KCNN2: variants seen among roughly 807,000 people sequenced by gnomAD.
The protein encoded by KCNN2 is small conductance calcium-activated potassium channel protein 2.
A neutral mutation model predicts 55.5 loss-of-function variants in KCNN2; 24 were observed. The ratio of observed to expected loss-of-function variants is 0.43; its 90% confidence interval spans 0.31 to 0.61. The LOEUF (loss-of-function observed/expected upper bound fraction) is 0.61. Among genes scored for constraint, KCNN2 ranks in the 20% least tolerant of loss-of-function variants. The pLI, the probability that KCNN2 is intolerant of heterozygous loss-of-function variation, is 0.08. For synonymous variants in KCNN2, 431 were observed against 336.1 expected (o/e 1.28, Z -3.09); for missense variants, 754 against 853.6 (o/e 0.88, Z 1.45).
chr5:114,091,330 G>A lies in KCNN2; in HGVS notation c.-271+34830G>A, dbSNP rs142940270. Among the ~76,000 whole-genome samples the A allele has an allele frequency of 5.4e-4, 82 of 152,226 alleles. 1 individual carries two copies. The East Asian group carries it at 9.9e-3, about 18-fold the overall frequency. ...ACTTTCCTACTGAAATCAATATGGG[G>A]AACATGTCCTCTTGCCTTAGGGGTT... On this transcript the variant is annotated intron_variant, in intron 1 of 10. Coordinates refer to the KCNN2 transcript ENST00000512097.
At chr5:114,224,928 T>C (rs1167560649) in intron 2 of KCNN2, among the ~76,000 whole-genome samples, 2 of 152,152 alleles carry the variant, frequency 1.3e-5, no homozygotes, top group African/African-American at 4.8e-5. Context: ...TTCTTATAGA[T>C]TCTAGATAGT....
At chr5:114,434,935 A>G (rs1031018581) in intron 3 of KCNN2, among the ~76,000 whole-genome samples, 1 of 152,168 alleles carries the variant, frequency 6.6e-6, no homozygotes, top group Non-Finnish European at 1.5e-5. Flanking sequence ...ATAATTTCCT[A>G]TGAGGGCAAG....
chr5:114,364,716 G>T (rs1757551267), intron 2 of KCNN2, among the ~76,000 whole-genome samples: 1 of 151,566 alleles, frequency 6.6e-6, no homozygotes, highest in Non-Finnish European at 1.5e-5. Context: ...AAAACTTACG[G>T]GTCATCTTGT....
chr5:114,373,043 G>A (rs1757808911), intron 2 of KCNN2, among the ~76,000 whole-genome samples: 1 of 152,158 alleles, frequency 6.6e-6, no homozygotes, highest in South Asian at 2.1e-4. Flanking sequence ...TAAGACAACT[G>A]ATAGCTTGTA....
chr5:114,165,026 G>T (rs370203911), intron 1 of KCNN2, among the ~76,000 whole-genome samples: 1 of 152,136 alleles, frequency 6.6e-6, no homozygotes, highest in African/African-American at 2.4e-5. Context: ...ACAGTAACTT[G>T]CCTAAAGCCA....
chr5:114,202,732 G>A (rs997554753), intron 1 of KCNN2, among the ~76,000 whole-genome samples: 6 of 151,264 alleles, frequency 4.0e-5, no homozygotes, highest in Non-Finnish European at 8.9e-5. Flanking sequence ...GACTACAGGC[G>A]CCTGCCACCA....
upstream of KCNN2, chr5:114,361,216 C>G (rs1046691308): frequency 6.6e-6 from 1 of 152,316 alleles, no homozygotes. Context: ...GCCCGGCCGG[C>G]TCTGTCGGCA....
At chr5:114,341,199 A>C (rs1757009474) in intron 2 of KCNN2, among the ~76,000 whole-genome samples, 1 of 152,218 alleles carries the variant, frequency 6.6e-6, no homozygotes, top group African/African-American at 2.4e-5. Flanking sequence ...TAGTTTAATC[A>C]AAGATAGCTA....
intron 2 of KCNN2, among the ~76,000 whole-genome samples, chr5:114,349,115 C>T (rs1218775191): frequency 7.2e-5 from 11 of 152,096 alleles, no homozygotes; most frequent in Admixed American, 7.2e-4. Flanking sequence ...AACATTTTAT[C>T]TTTAGCTTTG....
chr5:114,311,014 G>T (rs1337143369), intron 2 of KCNN2, among the ~76,000 whole-genome samples: 4 of 152,046 alleles, frequency 2.6e-5, no homozygotes, highest in African/African-American at 9.7e-5. Context: ...TACAAGCCTA[G>T]AAATGGACAA....
At chr5:114,154,207 A>C (rs1752582668) in intron 1 of KCNN2, among the ~76,000 whole-genome samples, 1 of 152,186 alleles carries the variant, frequency 6.6e-6, no homozygotes, top group Non-Finnish European at 1.5e-5. Flanking sequence ...TGAAAACAAG[A>C]GACTGAACAG....
At chr5:114,168,886 G>A (rs1300115647) in intron 1 of KCNN2, among the ~76,000 whole-genome samples, 1 of 152,054 alleles carries the variant, frequency 6.6e-6, no homozygotes, top group Non-Finnish European at 1.5e-5. Context: ...TTGGCTCTGT[G>A]TCCCCACCCA....
At chr5:114,195,406 T>G (rs1561517955) in intron 1 of KCNN2, among the ~76,000 whole-genome samples, 1 of 151,994 alleles carries the variant, frequency 6.6e-6, no homozygotes. Context: ...TAAACATTCT[T>G]TATAAGATGT....
chr5:114,269,833 T>C (rs1755290327), intron 2 of KCNN2, among the ~76,000 whole-genome samples: 1 of 152,188 alleles, frequency 6.6e-6, no homozygotes, highest in Non-Finnish European at 1.5e-5. Context: ...AAATATTTGA[T>C]CAGTTTGGAT....
At chr5:114,267,462 C>T (rs1354654051) in intron 2 of KCNN2, among the ~76,000 whole-genome samples, 2 of 152,050 alleles carry the variant, frequency 1.3e-5, no homozygotes, top group African/African-American at 2.4e-5. Flanking sequence ...TGAGGGTGGG[C>T]AATATCACTG....
chr5:114,473,385 G>T (rs759015137), intron 5 of KCNN2, among the ~76,000 whole-genome samples: 1 of 152,130 alleles, frequency 6.6e-6, no homozygotes, highest in Non-Finnish European at 1.5e-5. Flanking sequence ...GGATAAAGAC[G>T]AGTCACATAA....
intron 1 of KCNN2, among the ~76,000 whole-genome samples, chr5:114,190,510 A>C (rs1753427922): frequency 6.6e-6 from 1 of 152,196 alleles, no homozygotes; most frequent in African/African-American, 2.4e-5. Flanking sequence ...TCATAAGCAC[A>C]AAAACTAGTA....
chr5:114,133,502 A>G (rs1423840537), intron 1 of KCNN2, among the ~76,000 whole-genome samples: 6 of 152,210 alleles, frequency 3.9e-5, no homozygotes, highest in African/African-American at 1.4e-4. Flanking sequence ...TACCTGGGCC[A>G]TTAATCCACC....
chr5:114,325,238 A>G (rs1038931485), intron 2 of KCNN2, among the ~76,000 whole-genome samples: 1 of 152,230 alleles, frequency 6.6e-6, no homozygotes, highest in Non-Finnish European at 1.5e-5. Context: ...TGATTTGGGA[A>G]ATTCTGTGTT....
Sources: allele counts gnomAD v4.1 joint callset (sites outside exome capture counted in the v4.1 genomes callset), GRCh38; gene constraint gnomAD v4.1.1; transcripts MANE v1.5; gene names NCBI Gene and HGNC (gene_info 2026-07-23, HGNC 2026-07-21).